The following FTCDNL1 variants were observed in gnomAD, a reference collection of about 807,000 sequenced individuals.
FTCDNL1 encodes the protein formiminotransferase N-terminal subdomain-containing protein.
In FTCDNL1, 11 loss-of-function variants were observed where a neutral mutation model predicts 5.9. The observed-to-expected ratio is 1.87, with a 90% CI of 1.18 to 3.10. The LOEUF is 3.10. Among genes scored for constraint, FTCDNL1 ranks in the 30% most tolerant of loss-of-function variants. FTCDNL1 has a pLI of 0.00. For synonymous variants in FTCDNL1, 58 were observed against 24.8 expected (o/e 2.34, Z -3.99); for missense variants, 115 against 65.5 (o/e 1.76, Z -2.61).
At chr2:199,737,496 T>C in the FTCDNL1 span, among the ~76,000 whole-genome samples, 777 of 152,348 alleles carry the variant, frequency 5.1e-3, 2 homozygotes, top group Non-Finnish European at 9.0e-3. Flanking sequence ...CTCATAGGTA[T>C]ACTAAATATA....
At chr2:199,681,290 C>T in the FTCDNL1 span, among the ~76,000 whole-genome samples, 1 of 151,630 alleles carries the variant, frequency 6.6e-6, no homozygotes, top group African/African-American at 2.4e-5. Flanking sequence ...CCCATCTCTA[C>T]TAATAATACA....
chr2:199,751,741 C>G, the FTCDNL1 span, among the ~76,000 whole-genome samples: 1 of 140,022 alleles, frequency 7.1e-6, no homozygotes, highest in African/African-American at 2.6e-5. Context: ...AAAAGTGTTC[C>G]GCGAGGTAAC....
chr2:199,688,640 C>G, the FTCDNL1 span, among the ~76,000 whole-genome samples: 1 of 152,142 alleles, frequency 6.6e-6, no homozygotes, highest in Non-Finnish European at 1.5e-5. Flanking sequence ...CTGGTCTTCC[C>G]CTGGCCTTAG....
the FTCDNL1 span, among the ~76,000 whole-genome samples, chr2:199,673,288 A>G: frequency 7.2e-6 from 1 of 139,368 alleles, no homozygotes. Context: ...AGATCACTCC[A>G]TTGCACTCCA....
At chr2:199,714,595 CCTT>C in the FTCDNL1 span, among the ~76,000 whole-genome samples, 2 of 152,100 alleles carry the variant, frequency 1.3e-5, no homozygotes, top group African/African-American at 4.8e-5. Flanking sequence ...ATTTTATTCT[CCTT>C]CTTTCCAAAT....
At chr2:199,710,842 T>C in the FTCDNL1 span, among the ~76,000 whole-genome samples, 1 of 152,186 alleles carries the variant, frequency 6.6e-6, no homozygotes, top group South Asian at 2.1e-4. Flanking sequence ...GAAAGTCTTC[T>C]CTTTGCTTTA....
the FTCDNL1 span, among the ~76,000 whole-genome samples, chr2:199,707,437 CCAAGGCATTGGATT>C: frequency 6.6e-6 from 1 of 151,984 alleles, no homozygotes; most frequent in Non-Finnish European, 1.5e-5. Flanking sequence ...CCCATTTCAT[CCAAGGCATTGGATT>C]TATTATCGTA....
At chr2:199,781,201 A>G (rs1036034812) in intron 3 of FTCDNL1, among the ~76,000 whole-genome samples, 1 of 152,208 alleles carries the variant, frequency 6.6e-6, no homozygotes, top group African/African-American at 2.4e-5. Context: ...GCATTTGACC[A>G]AACAGCCAGG....
chr2:199,848,477 G>T (rs950671631), intron 2 of FTCDNL1, among the ~76,000 whole-genome samples: 1 of 152,154 alleles, frequency 6.6e-6, no homozygotes, highest in East Asian at 1.9e-4. Flanking sequence ...CATAAGGTAC[G>T]ATTATGCTCA....
the FTCDNL1 span, among the ~76,000 whole-genome samples, chr2:199,676,014 C>T: frequency 2.0e-5 from 3 of 152,168 alleles, no homozygotes; most frequent in Non-Finnish European, 2.9e-5. Context: ...AGCATCCCAA[C>T]GTGCTGGGAC....
At chr2:199,821,944 C>T (rs889665143) in intron 3 of FTCDNL1, among the ~76,000 whole-genome samples, 1 of 152,028 alleles carries the variant, frequency 6.6e-6, no homozygotes, top group African/African-American at 2.4e-5. Context: ...GATTCCAGAC[C>T]ACAGCAATAA....
the FTCDNL1 span, among the ~76,000 whole-genome samples, chr2:199,671,151 T>A: frequency 7.8e-6 from 1 of 127,974 alleles, no homozygotes; most frequent in African/African-American, 2.7e-5. Context: ...GCATAATATC[T>A]GTATTAAATC....
At chr2:199,693,685 T>C in the FTCDNL1 span, among the ~76,000 whole-genome samples, 1 of 152,194 alleles carries the variant, frequency 6.6e-6, no homozygotes, top group Non-Finnish European at 1.5e-5. Context: ...TCCTCATCTG[T>C]AAAATGGAGT....
the FTCDNL1 span, among the ~76,000 whole-genome samples, chr2:199,749,384 A>C: frequency 6.6e-6 from 1 of 152,206 alleles, no homozygotes; most frequent in Non-Finnish European, 1.5e-5. Context: ...AGTTGGTAGC[A>C]ATATCTTTTT....
chr2:199,671,824 A>C, the FTCDNL1 span, among the ~76,000 whole-genome samples: 2,108 of 152,232 alleles, frequency 0.014, 52 homozygotes, highest in African/African-American at 0.048. Flanking sequence ...TATATATCTT[A>C]AGAGGAACAT....
the FTCDNL1 span, among the ~76,000 whole-genome samples, chr2:199,703,220 A>G: frequency 1.4e-5 from 2 of 147,458 alleles, no homozygotes; most frequent in Non-Finnish European, 3.0e-5. Context: ...CCCACCCCAC[A>G]ACAGTCCCCA....
chr2:199,829,787 C>T (rs986268290), intron 3 of FTCDNL1, among the ~76,000 whole-genome samples: 4 of 152,114 alleles, frequency 2.6e-5, no homozygotes, highest in African/African-American at 9.7e-5. Flanking sequence ...AGGAATATAA[C>T]TCATTCGTTT....
intron 3 of FTCDNL1, among the ~76,000 whole-genome samples, chr2:199,780,444 T>A (rs1462512105): frequency 6.6e-6 from 1 of 152,134 alleles, no homozygotes; most frequent in African/African-American, 2.4e-5. Flanking sequence ...CCCATGTGCT[T>A]CATGTAACAA....
chr2:199,825,246 C>T (rs766386185), intron 3 of FTCDNL1, among the ~76,000 whole-genome samples: 6 of 152,152 alleles, frequency 3.9e-5, no homozygotes, highest in South Asian at 2.1e-4. Context: ...AGTGAACACA[C>T]GCTGTTGGAA....
Sources: allele counts gnomAD v4.1 joint callset (sites outside exome capture counted in the v4.1 genomes callset), GRCh38; gene constraint gnomAD v4.1.1; transcripts MANE v1.5; gene names NCBI Gene and HGNC (gene_info 2026-07-23, HGNC 2026-07-21).